The following PPP2R2B variants were observed in gnomAD, a reference collection of about 807,000 sequenced individuals.
The protein encoded by PPP2R2B is serine/threonine-protein phosphatase 2A 55 kDa regulatory subunit B beta isoform.
A neutral mutation model predicts 46.0 loss-of-function variants in PPP2R2B; 5 were observed. The observed-to-expected ratio is 0.11, with a 90% CI of 0.06 to 0.23. The LOEUF (loss-of-function observed/expected upper bound fraction) is 0.23. Ranked by LOEUF, PPP2R2B falls within the 10% of genes least tolerant of loss-of-function variation. The pLI, the probability that PPP2R2B is intolerant of heterozygous loss-of-function variation, is 1.00. For missense variants in PPP2R2B, 367 were observed against 575.0 expected (o/e 0.64, Z 3.70); for synonymous variants, 215 against 206.7 (o/e 1.04, Z -0.34).
At chr5:146,832,380 T>TA (rs1491369008) in intron 2 of PPP2R2B, among the ~76,000 whole-genome samples, 4 of 20,492 alleles carry the variant, frequency 2.0e-4, no homozygotes, top group Non-Finnish European at 4.2e-4. Context: ...ATTTTTAATC[T>TA]TTTTTTTTTT....
intron 1 of PPP2R2B, among the ~76,000 whole-genome samples, chr5:146,961,963 C>T (rs1300648724): frequency 6.6e-6 from 1 of 151,618 alleles, no homozygotes; most frequent in Non-Finnish European, 1.5e-5. Context: ...AAGGAGTCAC[C>T]ATCTAAGGTG....
At chr5:146,994,690 G>T (rs778085712) in intron 1 of PPP2R2B, among the ~76,000 whole-genome samples, 43 of 152,166 alleles carry the variant, frequency 2.8e-4, no homozygotes, top group African/African-American at 1.0e-3. Flanking sequence ...TCCAAGACCC[G>T]CTCTGCCCAA....
intron 1 of PPP2R2B, among the ~76,000 whole-genome samples, chr5:146,883,978 C>T (rs547292548): frequency 1.6e-4 from 25 of 151,528 alleles, no homozygotes; most frequent in Middle Eastern, 3.4e-3. Flanking sequence ...TTGCTGATCA[C>T]GTACATGTCT....
intron 1 of PPP2R2B, among the ~76,000 whole-genome samples, chr5:146,928,098 C>T (rs1051013681): frequency 6.6e-6 from 1 of 152,174 alleles, no homozygotes; most frequent in African/African-American, 2.4e-5. Flanking sequence ...TGTGCTTCCA[C>T]ATATCAGTCA....
intron 2 of PPP2R2B, among the ~76,000 whole-genome samples, chr5:147,072,249 A>G (rs1212793133): frequency 3.3e-5 from 5 of 152,254 alleles, no homozygotes; most frequent in African/African-American, 4.8e-5. Context: ...GTTATGTCCT[A>G]TGGGTTATAA....
At chr5:146,706,573 T>G (rs1779869404) in intron 2 of PPP2R2B, 1 of 896,380 alleles carries the variant, frequency 1.1e-6, no homozygotes, top group African/African-American at 1.7e-5. Context: ...TCGGACAGCT[T>G]AGCGTTGGCA....
intron 1 of PPP2R2B, among the ~76,000 whole-genome samples, chr5:147,032,852 C>T (rs1755856497): frequency 6.6e-6 from 1 of 152,150 alleles, no homozygotes; most frequent in South Asian, 2.1e-4. Context: ...ATAATGACTT[C>T]TTTTCCTCTG....
chr5:146,984,362 T>A (rs976890752), intron 1 of PPP2R2B, among the ~76,000 whole-genome samples: 1 of 152,226 alleles, frequency 6.6e-6, no homozygotes, highest in Non-Finnish European at 1.5e-5. Flanking sequence ...CCTGCCTTAT[T>A]TGACTTAGCA....
At chr5:146,856,541 A>C (rs886718422) in intron 2 of PPP2R2B, 20 of 1,612,812 alleles carry the variant, frequency 1.2e-5, no homozygotes, top group Non-Finnish European at 1.6e-5. Flanking sequence ...TTCATGCTTC[A>C]TTATTGGGCC....
intron 2 of PPP2R2B, among the ~76,000 whole-genome samples, chr5:146,801,905 A>C (rs1381756904): frequency 2.0e-5 from 3 of 152,230 alleles, no homozygotes; most frequent in Admixed American, 2.0e-4. Flanking sequence ...TAGTGCTCCA[A>C]GTGGCCCCAC....
chr5:146,908,373 C>G (rs557825977), intron 1 of PPP2R2B, among the ~76,000 whole-genome samples: 1 of 152,096 alleles, frequency 6.6e-6, no homozygotes, highest in Non-Finnish European at 1.5e-5. Context: ...TCAACAGGCA[C>G]ACATATTCTA....
chr5:147,056,205 G>C (rs1757077454), upstream of PPP2R2B: 6 of 839,988 alleles, frequency 7.1e-6, no homozygotes, highest in Non-Finnish European at 8.6e-6. Flanking sequence ...AGACAGCATA[G>C]TGTTCTGCCC....
At position 146,911,088 on chromosome 5, in the gene PPP2R2B, C is replaced by CT. The variant is rs1554075565; in HGVS notation, c.79+144576dup. 4.6e-4 allele frequency among the ~76,000 whole-genome samples: 65 copies of CT among 142,152 alleles called. 1 individual carries two copies. Among genetic ancestry groups the CT allele is most frequent in the South Asian group, 2.0e-3 (9 of 4,456 alleles). The allele number at this position is 142,152 out of a possible 152,430, so 93.3% of individuals were successfully genotyped here. A position where few individuals can be genotyped will look rare whatever the true frequency, so the allele number is the denominator to read the frequency against. On this transcript the variant is annotated intron_variant, in intron 1 of 8. Transcript: ENST00000336640. The stretch of plus-strand genomic sequence containing the variant: ...GATCAGATTGTCTGTTAGACACTTT[C>CT]TTTTTTTTTTTTTGAGATGGAGTCT...
chr5:146,658,455 G>C (rs572494370), intron 5 of PPP2R2B, among the ~76,000 whole-genome samples: 1 of 152,138 alleles, frequency 6.6e-6, no homozygotes, highest in Non-Finnish European at 1.5e-5. Context: ...CATAAAAATG[G>C]GAGAGCATTG....
At chr5:146,741,099 G>A (rs1339786404) in intron 2 of PPP2R2B, among the ~76,000 whole-genome samples, 2 of 152,000 alleles carry the variant, frequency 1.3e-5, no homozygotes, top group East Asian at 3.9e-4. Context: ...GATTCTTTAG[G>A]AATGGGGATC....
At chr5:147,000,217 C>T (rs1754106418) in intron 1 of PPP2R2B, among the ~76,000 whole-genome samples, 1 of 152,138 alleles carries the variant, frequency 6.6e-6, no homozygotes, top group African/African-American at 2.4e-5. Flanking sequence ...TATTGTTTAT[C>T]ATAACTGCTG....
At chr5:146,805,210 A>G (rs2151310329) in intron 2 of PPP2R2B, among the ~76,000 whole-genome samples, 1 of 152,246 alleles carries the variant, frequency 6.6e-6, no homozygotes, top group Admixed American at 6.5e-5. Flanking sequence ...GGACACAGAA[A>G]CCATTTGGGG....
intron 1 of PPP2R2B, among the ~76,000 whole-genome samples, chr5:147,054,174 C>A (rs72827261): frequency 1.3e-5 from 2 of 152,142 alleles, no homozygotes; most frequent in East Asian, 3.9e-4. Context: ...TAGAATGTTT[C>A]GTTTAATTAA....
Position 146,583,388 on chromosome 5 carries a change from A to C in PPP2R2B, c.*6559T>G, listed in dbSNP as rs1007162826. 1.3e-5 allele frequency: 2 copies of C among 152,252 alleles called. No individual in the cohort carries two copies. Among genetic ancestry groups the C allele is most frequent in the African/African-American group, 4.8e-5 (2 of 41,468 alleles). The allele number at this position is 152,252 out of a possible 1,614,324, so 9.4% of individuals were successfully genotyped here. A position where few individuals can be genotyped will look rare whatever the true frequency, so the allele number is the denominator to read the frequency against. On this transcript the variant is annotated 3_prime_UTR_variant, in exon 10 of 10. Transcript: ENST00000394411. ...GTGCATATTAAATCATGCAATCTTC[A>C]CAGCAATTTTATGAGATAGATGTCG...
Sources: gnomAD v4.1 joint callset for allele counts (sites outside exome capture counted in the v4.1 genomes callset) on GRCh38, gnomAD v4.1.1 for gene constraint, MANE v1.5 for transcripts, NCBI Gene and HGNC (gene_info 2026-07-23, HGNC 2026-07-21) for gene names.